The following ADGRL4 variants were observed in gnomAD, a reference collection of about 807,000 sequenced individuals.
ADGRL4 encodes adhesion G protein-coupled receptor L4, also known as EGF, latrophilin and seven transmembrane domain containing 1.
A neutral mutation model predicts 74.8 loss-of-function variants in ADGRL4; 90 were observed. That is an observed-to-expected ratio of 1.20 (90% CI 1.02 to 1.43). ADGRL4 has a LOEUF of 1.43. Among genes scored for constraint, ADGRL4 ranks in the 40% most tolerant of loss-of-function variants. The pLI, the probability that ADGRL4 is intolerant of heterozygous loss-of-function variation, is 0.00. For missense variants in ADGRL4, 881 were observed against 814.3 expected (o/e 1.08, Z -1.00); for synonymous variants, 311 against 279.2 (o/e 1.11, Z -1.14).
chr1:78,957,825 T>A (rs1414272738), intron 2 of ADGRL4, among the ~76,000 whole-genome samples: 1 of 151,980 alleles, frequency 6.6e-6, no homozygotes, highest in Non-Finnish European at 1.5e-5. Flanking sequence ...TGGAAGAAGA[T>A]GCCCTGTGAG....
intron 2 of ADGRL4, among the ~76,000 whole-genome samples, chr1:78,995,433 C>T (rs1241066623): frequency 1.3e-5 from 2 of 152,132 alleles, no homozygotes; most frequent in East Asian, 3.8e-4. Context: ...CATCCTGGCT[C>T]ATCAGGAAAG....
intron 2 of ADGRL4, among the ~76,000 whole-genome samples, chr1:78,986,941 G>A (rs894295512): frequency 3.3e-5 from 5 of 151,678 alleles, no homozygotes; most frequent in Admixed American, 2.6e-4. Context: ...AAGATGCTTT[G>A]AAAGCATATA....
intron 2 of ADGRL4, among the ~76,000 whole-genome samples, chr1:78,950,460 A>C (rs1649699967): frequency 6.6e-6 from 1 of 152,170 alleles, no homozygotes; most frequent in African/African-American, 2.4e-5. Context: ...TGTAGTGGAT[A>C]AATATGATCG....
chr1:78,992,708 G>A (rs1453731920), intron 2 of ADGRL4, among the ~76,000 whole-genome samples: 1 of 152,036 alleles, frequency 6.6e-6, no homozygotes, highest in African/African-American at 2.4e-5. Context: ...TTGCCTCAGT[G>A]TTTTAATATG....
chr1:78,971,658 C>A (rs112384096), intron 2 of ADGRL4, among the ~76,000 whole-genome samples: 1 of 152,202 alleles, frequency 6.6e-6, no homozygotes, highest in Non-Finnish European at 1.5e-5. Context: ...CGGCTCCCAG[C>A]TGAACTAAGG....
At chr1:78,891,444 G>A in intron 14 of ADGRL4, 80 bp downstream of exon 14, 11 of 1,431,164 alleles carry the variant, frequency 7.7e-6, no homozygotes, top group South Asian at 1.3e-5. Context: ...ATAAATCTAT[G>A]AGAGTAAGAA....
chr1:78,920,317 C>T lies in ADGRL4; in HGVS notation c.1327G>A (p.Ala443Thr). 6.2e-7 allele frequency: 1 copy of T among 1,610,116 alleles called. No homozygotes were observed. The highest frequency in any genetic ancestry group is 8.5e-7 in the Non-Finnish European group (1 of 1,177,180). ...LGIIISLICL[A>T]ICIFTFWFFS... is the part of the protein sequence containing the mutation. ...AACCAGAAGGTAAAAATGCATATGG[C>T]AAGACAAATCAGTGAAATAATTATT... Residue 443 changes from alanine (A) to threonine (T), a missense_variant, in exon 10 of 15, where the codon GCC (alanine) becomes ACC (threonine). Coordinates refer to ENST00000370742, the MANE Select transcript of ADGRL4 (RefSeq NM_022159.4).
At chr1:78,943,066 T>C (rs991983669) in intron 3 of ADGRL4, among the ~76,000 whole-genome samples, 3 of 152,148 alleles carry the variant, frequency 2.0e-5, no homozygotes, top group African/African-American at 7.2e-5. Context: ...ATAATTATGA[T>C]CAATAATACA....
At chr1:78,954,704 C>T (rs998832426) in intron 2 of ADGRL4, among the ~76,000 whole-genome samples, 1 of 152,036 alleles carries the variant, frequency 6.6e-6, no homozygotes, top group Admixed American at 6.6e-5. Context: ...GACACAGAAG[C>T]ACATTATATC....
At chr1:78,893,840 GA>G (rs1648339618) in intron 12 of ADGRL4, among the ~76,000 whole-genome samples, 1 of 151,858 alleles carries the variant, frequency 6.6e-6, no homozygotes, top group African/African-American at 2.4e-5. Flanking sequence ...GGGCTAAATA[GA>G]ATTGGAGAGT....
At chr1:78,922,988 A>T (rs1649033024) in intron 8 of ADGRL4, among the ~76,000 whole-genome samples, 2 of 151,950 alleles carry the variant, frequency 1.3e-5, no homozygotes, top group Admixed American at 1.3e-4. Flanking sequence ...GCTAAATACA[A>T]CCCTTAGGTC....
chr1:78,895,535 A>T (rs2100650370), intron 12 of ADGRL4, among the ~76,000 whole-genome samples: 1 of 152,272 alleles, frequency 6.6e-6, no homozygotes, highest in Non-Finnish European at 1.5e-5. Flanking sequence ...TTTAGGAAGT[A>T]CCTGTCTTGG....
chr1:78,918,838 G>A (rs1648938883), intron 10 of ADGRL4, among the ~76,000 whole-genome samples: 1 of 151,780 alleles, frequency 6.6e-6, no homozygotes, highest in Non-Finnish European at 1.5e-5. Context: ...ATAAGGCTGG[G>A]GAACAGAAAG....
chr1:78,993,571 C>CTTTTTT (rs1650652536), intron 2 of ADGRL4, among the ~76,000 whole-genome samples: 1 of 114,644 alleles, frequency 8.7e-6, no homozygotes. Context: ...GCAAAAATTC[C>CTTTTTT]ATTTTTTTTT....
intron 12 of ADGRL4, among the ~76,000 whole-genome samples, chr1:78,903,673 C>T (rs34485795): frequency 0.17 from 26,083 of 151,916 alleles, 2,487 homozygotes; most frequent in Admixed American, 0.25. Context: ...CGGTGGCTCA[C>T]GCCTGTAATC....
intron 12 of ADGRL4, among the ~76,000 whole-genome samples, chr1:78,898,881 TA>T (rs925917365): frequency 1.3e-5 from 2 of 151,830 alleles, no homozygotes; most frequent in African/African-American, 2.4e-5. Context: ...TAAGTGTCTT[TA>T]AAAAAAACAA....
intron 2 of ADGRL4, among the ~76,000 whole-genome samples, chr1:78,961,751 T>C (rs1261371244): frequency 1.3e-5 from 2 of 152,170 alleles, no homozygotes; most frequent in Non-Finnish European, 2.9e-5. Flanking sequence ...TCTTTCTGGG[T>C]GGATGCAGCT....
intron 2 of ADGRL4, among the ~76,000 whole-genome samples, chr1:78,978,387 A>G (rs1238106407): frequency 1.3e-5 from 2 of 151,916 alleles, no homozygotes; most frequent in African/African-American, 4.8e-5. Context: ...TATAGCTGAC[A>G]TTGTAGAAGT....
chr1:78,902,157 G>C (rs1378113271), intron 12 of ADGRL4, among the ~76,000 whole-genome samples: 2 of 152,022 alleles, frequency 1.3e-5, no homozygotes, highest in African/African-American at 4.8e-5. Context: ...GACTGCAGAG[G>C]AACCCAATTA....
Sources: gnomAD v4.1 joint callset for allele counts (sites outside exome capture counted in the v4.1 genomes callset) on GRCh38, gnomAD v4.1.1 for gene constraint, MANE v1.5 for transcripts, NCBI Gene and HGNC (gene_info 2026-07-23, HGNC 2026-07-21) for gene names.